Variants in SLC9C1 observed in about 807,000 individuals in gnomAD.
SLC9C1 encodes the protein sodium/hydrogen exchanger 10.
In SLC9C1, 97 loss-of-function variants were observed where a neutral mutation model predicts 140.9. The ratio of observed to expected loss-of-function variants is 0.69; its 90% CI spans 0.58 to 0.82. The LOEUF is 0.82. Ranked by LOEUF, SLC9C1 falls within the 40% of genes least tolerant of loss-of-function variation. The pLI, the probability that SLC9C1 is intolerant of heterozygous loss-of-function variation, is 0.00. For synonymous variants in SLC9C1, 440 were observed against 442.6 expected (o/e 0.99, Z 0.07); for missense variants, 1,340 against 1,389.3 (o/e 0.96, Z 0.56).
chr3:112,252,198 T>C (rs2079479077), intron 10 of SLC9C1, among the ~76,000 whole-genome samples: 1 of 151,684 alleles, frequency 6.6e-6, no homozygotes, highest in Non-Finnish European at 1.5e-5. Flanking sequence ...CTCTAGGGAT[T>C]CTGAGGTGAC....
In SLC9C1 at chr3:112,244,040, G is replaced by C; in HGVS notation, c.1234C>G (p.Leu412Val). ...FHGVLVCLIT[L>V]VVNRFILPVA... ...GGCAAAATAAATCTATTGACAACAAGGGTTATTAGGCATACTAACACTCCA... is the reference window on the plus strand; with the variant it reads ...GGCAAAATAAATCTATTGACAACAACGGTTATTAGGCATACTAACACTCCA... Residue 412 changes from leucine (L) to valine (V), a missense_variant, in exon 11 of 29, where the codon CTT becomes GTT. Physicochemically the swap from Leu to Val is conservative, Grantham distance 32. Transcript: ENST00000305815. The C allele has an allele frequency of 6.2e-7, 1 of 1,605,986 alleles. No homozygotes were observed. Among genetic ancestry groups the C allele is most frequent in the Non-Finnish European group, 8.5e-7 (1 of 1,175,538 alleles).
At chr3:112,145,208 A>G (rs1391729968) in intron 28 of SLC9C1, among the ~76,000 whole-genome samples, 3 of 150,928 alleles carry the variant, frequency 2.0e-5, no homozygotes, top group Non-Finnish European at 4.4e-5. Flanking sequence ...ATGTCTATGG[A>G]GATGATCATA....
intron 13 of SLC9C1, 65 bp from the exon 14 acceptor site, chr3:112,221,290 G>T: frequency 7.4e-7 from 1 of 1,357,622 alleles, no homozygotes; most frequent in Non-Finnish European, 1.0e-6. Context: ...TTACAATCTT[G>T]ATGGGAAAAA....
intron 26 of SLC9C1, among the ~76,000 whole-genome samples, chr3:112,156,779 G>A (rs1188743704): frequency 6.6e-6 from 1 of 151,930 alleles, no homozygotes. Flanking sequence ...TATTTTTAGT[G>A]AAGTTGAGCA....
chr3:112,244,218 G>T, intron 10 of SLC9C1, 142 bp from the exon 11 acceptor site: 1 of 430,698 alleles, frequency 2.3e-6, no homozygotes, highest in Non-Finnish European at 4.1e-6. Context: ...GGCAGGGGAG[G>T]AATTAATCTA....
chr3:112,166,046 C>T (rs113811793), intron 26 of SLC9C1, among the ~76,000 whole-genome samples: 3,259 of 125,620 alleles, frequency 0.026, 124 homozygotes, highest in African/African-American at 0.081. Flanking sequence ...AGTGAGGCTC[C>T]GTGGTCGTAG....
At chr3:112,283,669 T>C (rs1428218931) in intron 2 of SLC9C1, among the ~76,000 whole-genome samples, 2 of 152,102 alleles carry the variant, frequency 1.3e-5, no homozygotes, top group Non-Finnish European at 2.9e-5. Context: ...AGTTTTGCTT[T>C]TTTTAGATAC....
At chr3:112,212,930 G>T (rs1435497265) in intron 15 of SLC9C1, among the ~76,000 whole-genome samples, 1 of 152,104 alleles carries the variant, frequency 6.6e-6, no homozygotes, top group Non-Finnish European at 1.5e-5. Flanking sequence ...TGAAATGAAG[G>T]AAAAAATGTA....
At position 112,164,736 on chromosome 3, in the gene SLC9C1, T is replaced by C. The variant is rs537939616; in HGVS notation, c.3364+2485A>G. On this transcript the variant is annotated intron_variant, in intron 26 of 28. Coordinates refer to ENST00000305815, the MANE Select transcript of SLC9C1 (RefSeq NM_183061.3). ...TCCTTCATTTCAACTTTGGTGAATC[T>C]GACAATTATGTGTCTTGGAGTTGCT... is the stretch of plus-strand genomic sequence containing the variant. Among the ~76,000 whole-genome samples, 15 of 152,070 alleles carry C rather than the reference T, an allele frequency of 9.9e-5. No individual in the cohort carries two copies. The East Asian group carries it at 2.9e-3, about 30-fold the overall frequency.
intron 26 of SLC9C1, among the ~76,000 whole-genome samples, chr3:112,158,460 G>A (rs1366261490): frequency 1.3e-5 from 2 of 151,958 alleles, no homozygotes; most frequent in Admixed American, 1.3e-4. Flanking sequence ...TGTTGATCAA[G>A]GATATTGGCC....
At chr3:112,223,344 A>T (rs1389787777) in intron 13 of SLC9C1, among the ~76,000 whole-genome samples, 1 of 152,168 alleles carries the variant, frequency 6.6e-6, no homozygotes, top group Non-Finnish European at 1.5e-5. Context: ...ATTTCAGAAC[A>T]TTGAACTAAA....
intron 10 of SLC9C1, among the ~76,000 whole-genome samples, chr3:112,248,282 C>T (rs2079349552): frequency 9.2e-6 from 1 of 108,928 alleles, no homozygotes; most frequent in African/African-American, 3.0e-5. Flanking sequence ...TTGATGGCTG[C>T]ACTCCCAATT....
At chr3:112,205,088 G>A (rs925818364) in intron 16 of SLC9C1, among the ~76,000 whole-genome samples, 1 of 151,914 alleles carries the variant, frequency 6.6e-6, no homozygotes, top group African/African-American at 2.4e-5. Context: ...AGGGTATTCA[G>A]TTAGGAAAAA....
intron 10 of SLC9C1, among the ~76,000 whole-genome samples, chr3:112,257,141 A>G (rs1340141218): frequency 6.6e-6 from 1 of 152,184 alleles, no homozygotes; most frequent in African/African-American, 2.4e-5. Context: ...AAGAATTTAC[A>G]AATTGAATGC....
chr3:112,167,318 T>C lies in SLC9C1; in HGVS notation c.3267A>G (p.Val1089=). 3 of 1,603,748 alleles carry C rather than the reference T, an allele frequency of 1.9e-6. No individual in the cohort carries two copies. Among genetic ancestry groups the C allele is most frequent in the Non-Finnish European group, 2.6e-6 (3 of 1,176,148 alleles). The part of the protein sequence containing the change: ...QIQSIEDFTK[V]VIIQTPINMK... The stretch of plus-strand genomic sequence containing the variant: ...TGTTAATCGGAGTTTGAATAATCAC[T>C]ACTTTTGTGAAATCTTCAATACTTT... The change falls in exon 26 of 29, where the codon GTA becomes GTG. Residue 1089 remains valine (V), a synonymous_variant. Coordinates refer to ENST00000305815, the MANE Select transcript of SLC9C1 (RefSeq NM_183061.3).
intron 7 of SLC9C1, among the ~76,000 whole-genome samples, chr3:112,268,925 G>C (rs7646742): frequency 0.3 from 44,885 of 152,044 alleles, 6,821 homozygotes; most frequent in East Asian, 0.36. Context: ...GCTGTGTCAG[G>C]AAACAGCAGT....
chr3:112,263,508 A>G (rs558909839), intron 9 of SLC9C1, among the ~76,000 whole-genome samples: 1 of 109,214 alleles, frequency 9.2e-6, no homozygotes, highest in African/African-American at 3.0e-5. Flanking sequence ...TTGGTCCAAT[A>G]TTGGCCAGAT....
intron 5 of SLC9C1, among the ~76,000 whole-genome samples, chr3:112,277,058 A>G (rs2080234425): frequency 6.6e-6 from 1 of 151,974 alleles, no homozygotes; most frequent in Non-Finnish European, 1.5e-5. Flanking sequence ...TTTTAAAGCA[A>G]TTTTTCTAGT....
chr3:112,230,798 A>T (rs2078800535), intron 13 of SLC9C1, among the ~76,000 whole-genome samples: 1 of 152,154 alleles, frequency 6.6e-6, no homozygotes, highest in Admixed American at 6.6e-5. Flanking sequence ...GAGAAAATGA[A>T]AACTAGCCTA....
Sources: gnomAD v4.1 joint callset for allele counts (sites outside exome capture counted in the v4.1 genomes callset) on GRCh38, gnomAD v4.1.1 for gene constraint, MANE v1.5 for transcripts, NCBI Gene and HGNC (gene_info 2026-07-23, HGNC 2026-07-21) for gene names.